EML4: variants seen among roughly 807,000 people sequenced by gnomAD.
EML4 encodes the protein echinoderm microtubule-associated protein-like 4.
EML4 carries 72 observed loss-of-function variants against 129.0 expected under a neutral mutation model. The ratio of observed to expected loss-of-function variants is 0.56; its 90% confidence interval spans 0.46 to 0.68. The LOEUF is 0.68. Ranked by LOEUF, EML4 falls within the 30% of genes least tolerant of loss-of-function variation. The pLI is 0.00. For missense variants in EML4, 1,363 were observed against 1,190.6 expected, an observed-to-expected ratio of 1.14 and a Z score of -2.13; for synonymous variants, 532 against 405.0, an observed-to-expected ratio of 1.31 and a Z score of -3.77.
chr2:42,297,273 G>C (rs548116613), intron 13 of EML4, among the ~76,000 whole-genome samples: 1 of 151,958 alleles, frequency 6.6e-6, no homozygotes, highest in African/African-American at 2.4e-5. Context: ...AGAAATGCCA[G>C]GAACAGCATA....
rs752011654 is a variant in EML4, at chr2:42,325,453, C to G, written c.2155-14C>G. 5 of 1,332,308 alleles carry G rather than the reference C, an allele frequency of 3.8e-6. No individual in the cohort carries two copies. The highest frequency in any genetic ancestry group is 5.4e-6 in the Non-Finnish European group (5 of 931,412). 82.5% of individuals were successfully genotyped at this position (1,332,308 alleles called of 1,614,324 possible). ...CTCTAAATGCTTTCTAACAATTTAT[C>G]TGTTATTTTCTAGGGACATTCCAGC... On this transcript the variant is annotated splice_polypyrimidine_tract_variant and intron_variant, in intron 19 of 22. Coordinates refer to ENST00000318522, the MANE Select transcript of EML4 (RefSeq NM_019063.5).
At chr2:42,275,829 G>A (rs1666627386) in intron 6 of EML4, among the ~76,000 whole-genome samples, 1 of 152,040 alleles carries the variant, frequency 6.6e-6, no homozygotes, top group Admixed American at 6.6e-5. Flanking sequence ...ACCTCATACT[G>A]TGTTTAACTA....
At chr2:42,245,832 A>T (rs1184164498) in intron 2 of EML4, 145 bp downstream of exon 2, 1 of 703,942 alleles carries the variant, frequency 1.4e-6, no homozygotes, top group Non-Finnish European at 2.2e-6. Flanking sequence ...ATTCCCAAAA[A>T]GTTCTGAAAG....
chr2:42,313,053 A>G (rs1190510731), intron 17 of EML4, among the ~76,000 whole-genome samples: 8 of 141,220 alleles, frequency 5.7e-5, no homozygotes, highest in Non-Finnish European at 1.1e-4. Context: ...CGTTCACGCC[A>G]TTCTCCTGCC....
At chr2:42,313,370 C>T (rs772149311) in intron 17 of EML4, among the ~76,000 whole-genome samples, 8 of 152,190 alleles carry the variant, frequency 5.3e-5, no homozygotes, top group Non-Finnish European at 1.0e-4. Flanking sequence ...AGCTCTCTCA[C>T]CATGGGCCAT....
At chr2:42,260,571 A>T (rs570680328) in intron 3 of EML4, among the ~76,000 whole-genome samples, 2 of 152,348 alleles carry the variant, frequency 1.3e-5, no homozygotes, top group Admixed American at 6.5e-5. Flanking sequence ...CTTAGTTTTC[A>T]TAGAAATTGC....
intron 1 of EML4, among the ~76,000 whole-genome samples, chr2:42,225,816 A>C (rs942789990): frequency 6.6e-6 from 1 of 152,050 alleles, no homozygotes; most frequent in Admixed American, 6.6e-5. Context: ...TATTTCTTAC[A>C]TATGTTAATT....
intron 1 of EML4, among the ~76,000 whole-genome samples, chr2:42,214,636 G>C (rs762386843): frequency 6.6e-6 from 1 of 152,132 alleles, no homozygotes; most frequent in Non-Finnish European, 1.5e-5. Flanking sequence ...TTTGGGCAGG[G>C]CTTGGCTAGG....
chr2:42,276,796 C>T (rs1486572010), intron 6 of EML4, among the ~76,000 whole-genome samples: 1 of 152,202 alleles, frequency 6.6e-6, no homozygotes, highest in Non-Finnish European at 1.5e-5. Flanking sequence ...TTCCAAAGCT[C>T]ATGCTGTTTT....
chr2:42,227,688 G>A (rs560966840), intron 1 of EML4, among the ~76,000 whole-genome samples: 9 of 152,054 alleles, frequency 5.9e-5, no homozygotes, highest in Admixed American at 1.3e-4. Flanking sequence ...GAACAACCCC[G>A]CCCCCTTCCT....
chr2:42,311,553 T>A (rs1042418013), intron 17 of EML4, among the ~76,000 whole-genome samples: 1 of 151,626 alleles, frequency 6.6e-6, no homozygotes, highest in Non-Finnish European at 1.5e-5. Context: ...AAAAAAAAAA[T>A]GGTAATAATT....
chr2:42,227,273 C>T (rs1674029585), intron 1 of EML4, among the ~76,000 whole-genome samples: 1 of 152,024 alleles, frequency 6.6e-6, no homozygotes, highest in Non-Finnish European at 1.5e-5. Flanking sequence ...TACTGGCATA[C>T]ACCTGGTTTT....
intron 1 of EML4, among the ~76,000 whole-genome samples, chr2:42,174,605 T>A (rs925721111): frequency 6.6e-6 from 1 of 152,064 alleles, no homozygotes; most frequent in African/African-American, 2.4e-5. Context: ...GTAGTATATT[T>A]GTATGTCGGT....
At chr2:42,228,319 C>G (rs182596425) in intron 1 of EML4, among the ~76,000 whole-genome samples, 1 of 152,256 alleles carries the variant, frequency 6.6e-6, no homozygotes, top group African/African-American at 2.4e-5. Flanking sequence ...GTCAGCACCC[C>G]TAACCCCTAC....
chr2:42,203,723 A>G (rs1672373717), intron 1 of EML4, among the ~76,000 whole-genome samples: 2 of 151,998 alleles, frequency 1.3e-5, no homozygotes, highest in African/African-American at 2.4e-5. Context: ...GGGAAAAAAA[A>G]AACAGAGAGG....
At chr2:42,298,496 C>G (rs1260525278) in intron 13 of EML4, among the ~76,000 whole-genome samples, 3 of 152,060 alleles carry the variant, frequency 2.0e-5, no homozygotes, top group Non-Finnish European at 4.4e-5. Flanking sequence ...AGAAAGACAT[C>G]TTTGGCTATA....
At chr2:42,263,546 AG>A (rs1478361784) in intron 5 of EML4, among the ~76,000 whole-genome samples, 1 of 150,630 alleles carries the variant, frequency 6.6e-6, no homozygotes, top group Non-Finnish European at 1.5e-5. Context: ...CTGGGACTAT[AG>A]GCACGTGCCA....
chr2:42,206,701 A>T (rs200129714), intron 1 of EML4, among the ~76,000 whole-genome samples: 6 of 152,094 alleles, frequency 3.9e-5, no homozygotes, highest in African/African-American at 1.4e-4. Flanking sequence ...CAGATTTAGG[A>T]TATGCATTTT....
In EML4 at chr2:42,329,876, A is replaced by C. The variant is rs761753509; in HGVS notation, c.2615A>C (p.Gln872Pro). The stretch of plus-strand genomic sequence containing the variant: ...CTTGTGGAAAAGTTATCTTTGCCTC[A>C]GAATGAGACTGTAGCGGATACTACT... ...WKLVEKLSLP[Q>P]NETVADTTLT... The change falls in exon 23 of 23, where the codon CAG becomes CCG. Residue 872 changes from glutamine to proline, a missense_variant. Transcript: ENST00000318522. The C allele has an allele frequency of 1.2e-6, 2 of 1,614,056 alleles. No homozygotes were observed. The highest frequency in any genetic ancestry group is 1.3e-5 in the African/African-American group (1 of 74,910).
Sources: gnomAD v4.1 joint callset for allele counts (sites outside exome capture counted in the v4.1 genomes callset) on GRCh38, gnomAD v4.1.1 for gene constraint, MANE v1.5 for transcripts, NCBI Gene and HGNC (gene_info 2026-07-23, HGNC 2026-07-21) for gene names.